COMMD10: variants seen among roughly 807,000 people sequenced by gnomAD.
COMMD10 encodes the protein COMM domain-containing protein 10.
Under a neutral mutation model 28.9 loss-of-function variants are expected in COMMD10, and 33 were observed. That is an observed-to-expected ratio of 1.14 (90% CI 0.87 to 1.53). The LOEUF is 1.53. Ranked by LOEUF, COMMD10 falls within the 40% of genes most tolerant of loss-of-function variation. COMMD10 has a pLI of 0.00. For synonymous variants in COMMD10, 110 were observed against 81.7 expected, an observed-to-expected ratio of 1.35 and a Z score of -1.87; for missense variants, 310 against 233.4, an observed-to-expected ratio of 1.33 and a Z score of -2.14.
rs115956736 is a variant in COMMD10, at chr5:116,114,618, G to A, written c.400-19450G>A. Among the ~76,000 whole-genome samples, 873 of 152,308 alleles carry A rather than the reference G, an allele frequency of 5.7e-3. 8 individuals are homozygous for A. The highest frequency in any genetic ancestry group is 0.019 in the African/African-American group (808 of 41,564). On this transcript the variant is annotated intron_variant, in intron 4 of 6. Coordinates refer to ENST00000274458, the MANE Select transcript of COMMD10 (RefSeq NM_016144.4). ...GGGCAAAGCTGGGTAAATCTGGATT[G>A]GGAAAGCCTGGGCTTGTCCTATGAA...
intron 5 of COMMD10, among the ~76,000 whole-genome samples, chr5:116,183,073 A>G (rs149197384): frequency 2.6e-5 from 4 of 152,216 alleles, no homozygotes; most frequent in African/African-American, 9.6e-5. Flanking sequence ...TTCTTTGCAA[A>G]TTACCCAGTC....
intron 5 of COMMD10, among the ~76,000 whole-genome samples, chr5:116,174,476 C>T (rs1414282370): frequency 6.6e-6 from 1 of 152,124 alleles, no homozygotes; most frequent in Non-Finnish European, 1.5e-5. Context: ...ACTATAGCTA[C>T]TGCACAGAAA....
chr5:116,241,583 C>CTTACTTAT (rs1554053963), intron 5 of COMMD10, among the ~76,000 whole-genome samples: 9 of 140,448 alleles, frequency 6.4e-5, no homozygotes, highest in African/African-American at 2.3e-4. Context: ...ACTCTGCTTT[C>CTTACTTAT]TTATTTATTT....
intron 5 of COMMD10, among the ~76,000 whole-genome samples, chr5:116,277,058 C>CA (rs1278515201): frequency 1.3e-5 from 2 of 151,440 alleles, no homozygotes; most frequent in Non-Finnish European, 2.9e-5. Context: ...AAGCTGTTAC[C>CA]AAAAAATATA....
chr5:116,203,795 T>C (rs1382386022), intron 5 of COMMD10, among the ~76,000 whole-genome samples: 1 of 151,380 alleles, frequency 6.6e-6, no homozygotes, highest in Non-Finnish European at 1.5e-5. Flanking sequence ...CATGCCAAAA[T>C]GTAAAGACCA....
chr5:116,267,707 G>A (rs888713378), intron 5 of COMMD10, among the ~76,000 whole-genome samples: 4 of 151,838 alleles, frequency 2.6e-5, no homozygotes, highest in African/African-American at 9.7e-5. Context: ...TATACTACAA[G>A]GCTACAGTAA....
chr5:116,151,062 G>A (rs1057231935), intron 5 of COMMD10, among the ~76,000 whole-genome samples: 5 of 151,260 alleles, frequency 3.3e-5, no homozygotes, highest in Admixed American at 6.6e-5. Flanking sequence ...AGAGTTTTTG[G>A]CATGAAGCGT....
chr5:116,123,526 T>A lies in COMMD10; in HGVS notation c.400-10542T>A, dbSNP rs577100166. 5.3e-5 allele frequency among the ~76,000 whole-genome samples: 8 copies of A among 152,310 alleles called. No homozygotes were observed. In the East Asian group the frequency reaches 1.5e-3, roughly 29 times the overall value. On this transcript the variant is annotated intron_variant, in intron 4 of 6. Transcript: ENST00000274458. The stretch of plus-strand genomic sequence containing the variant: ...GTTCATCAGGGATATTGGTCTAAAG[T>A]TCTCTTTTTTTGTCGTGTCTCTGTC...
chr5:116,177,191 T>C (rs886692512), intron 5 of COMMD10, among the ~76,000 whole-genome samples: 2 of 152,072 alleles, frequency 1.3e-5, no homozygotes, highest in African/African-American at 4.8e-5. Flanking sequence ...ACAAAGTGTC[T>C]TAATGGAGAT....
chr5:116,157,336 A>G (rs1752749764), intron 5 of COMMD10, among the ~76,000 whole-genome samples: 1 of 152,202 alleles, frequency 6.6e-6, no homozygotes, highest in South Asian at 2.1e-4. Flanking sequence ...ACCATTTATT[A>G]TTGTTCACAA....
chr5:116,120,986 C>CT (rs932293911), intron 4 of COMMD10, among the ~76,000 whole-genome samples: 1 of 151,268 alleles, frequency 6.6e-6, no homozygotes, highest in Non-Finnish European at 1.5e-5. Context: ...CCTATATTTT[C>CT]TTTTTTTTAA....
At chr5:116,196,198 C>T (rs1286584123) in intron 5 of COMMD10, among the ~76,000 whole-genome samples, 7 of 152,118 alleles carry the variant, frequency 4.6e-5, no homozygotes, top group South Asian at 4.1e-4. Flanking sequence ...AATAAATGCC[C>T]ATCAACCAAC....
intron 5 of COMMD10, among the ~76,000 whole-genome samples, chr5:116,210,323 T>C (rs1200226983): frequency 1.3e-5 from 2 of 150,708 alleles, no homozygotes; most frequent in Non-Finnish European, 3.0e-5. Flanking sequence ...TATGTATTTA[T>C]ATATATATAT....
At chr5:116,106,341 C>T (rs1306669789) in intron 4 of COMMD10, among the ~76,000 whole-genome samples, 9 of 151,790 alleles carry the variant, frequency 5.9e-5, no homozygotes, top group African/African-American at 9.7e-5. Context: ...CAGTGTGGTC[C>T]GACAGAGTGT....
At chr5:116,185,107 A>G (rs1748094649) in intron 5 of COMMD10, among the ~76,000 whole-genome samples, 2 of 152,148 alleles carry the variant, frequency 1.3e-5, no homozygotes, top group Admixed American at 1.3e-4. Flanking sequence ...AGAAAGGGAG[A>G]TATAAGTACA....
At chr5:116,119,433 A>G (rs1751349676) in intron 4 of COMMD10, among the ~76,000 whole-genome samples, 1 of 152,232 alleles carries the variant, frequency 6.6e-6, no homozygotes, top group Admixed American at 6.5e-5. Flanking sequence ...GCAGAGGGCA[A>G]CAGACTCCTG....
At chr5:116,256,229 T>C (rs951575750) in intron 5 of COMMD10, among the ~76,000 whole-genome samples, 3 of 151,114 alleles carry the variant, frequency 2.0e-5, no homozygotes, top group Admixed American at 6.6e-5. Flanking sequence ...TCCAAAATGA[T>C]TTTGAATCAC....
intron 6 of COMMD10, 104 bp from the exon 7 acceptor site, chr5:116,292,347 C>G (rs1054194232): frequency 1.8e-6 from 1 of 563,786 alleles, no homozygotes; most frequent in Non-Finnish European, 3.0e-6. Flanking sequence ...TTCATAGTTA[C>G]CAGTGCTATT....
At chr5:116,209,454 G>C (rs1748902724) in intron 5 of COMMD10, among the ~76,000 whole-genome samples, 1 of 152,112 alleles carries the variant, frequency 6.6e-6, no homozygotes, top group South Asian at 2.1e-4. Flanking sequence ...AGAATATTCT[G>C]TATGACTTTT....
Sources: gnomAD v4.1 joint callset for allele counts (sites outside exome capture counted in the v4.1 genomes callset) on GRCh38, gnomAD v4.1.1 for gene constraint, MANE v1.5 for transcripts, NCBI Gene and HGNC (gene_info 2026-07-23, HGNC 2026-07-21) for gene names.